OIT3: variants seen among roughly 807,000 people sequenced by gnomAD.
OIT3 encodes oncoprotein-induced transcript 3 protein.
Under a neutral mutation model 52.2 loss-of-function variants are expected in OIT3, and 41 were observed. That is an observed-to-expected ratio of 0.79 (90% CI 0.61 to 1.02). The LOEUF (loss-of-function observed/expected upper bound fraction) is 1.02, where lower values mean the gene tolerates loss of function less well. OIT3 is among the 50% of genes least tolerant of loss of function. The pLI, the probability that OIT3 is intolerant of heterozygous loss-of-function variation, is 0.00. For synonymous variants in OIT3, 244 were observed against 276.9 expected (o/e 0.88, Z 1.18); for missense variants, 634 against 715.5 (o/e 0.89, Z 1.30).
At position 72,899,052 on chromosome 10, in the gene OIT3, C is replaced by T; in HGVS notation, c.436+14C>T. 1 of 1,578,806 alleles carries T rather than the reference C, an allele frequency of 6.3e-7. No homozygotes were observed. The highest frequency in any genetic ancestry group is 8.6e-7 in the Non-Finnish European group (1 of 1,159,138). On this transcript the variant is annotated intron_variant, in intron 2 of 8. Coordinates refer to ENST00000334011, the MANE Select transcript of OIT3 (RefSeq NM_152635.3). ...TCTACTGTGGTCGTGAGTACCTTCC[C>T]TGTGCTCTTTTTCTCCACCAACAAG...
At chr10:72,918,385 C>T in intron 6 of OIT3, 1 of 772,094 alleles carries the variant, frequency 1.3e-6, no homozygotes, top group Non-Finnish European at 2.3e-6. Context: ...TTTGCACCAG[C>T]CCTTAAACTG....
chr10:72,899,732 GATA>G, intron 2 of OIT3, among the ~76,000 whole-genome samples: 1 of 150,604 alleles, frequency 6.6e-6, no homozygotes, highest in Admixed American at 6.6e-5. Flanking sequence ...TAGATAGATA[GATA>G]GATAGATAGA....
chr10:72,909,918 T>A (rs903035325), intron 4 of OIT3, among the ~76,000 whole-genome samples: 7 of 152,178 alleles, frequency 4.6e-5, no homozygotes, highest in Non-Finnish European at 7.3e-5. Context: ...AGGGCTGGGA[T>A]TATAGGTGTG....
intron 5 of OIT3, 130 bp downstream of exon 5, chr10:72,911,969 G>T: frequency 1.4e-6 from 1 of 696,036 alleles, no homozygotes; most frequent in Non-Finnish European, 2.3e-6. Context: ...CGAGCAGTGT[G>T]TATTGCTGAA....
rs375064672 is a variant in OIT3, at chr10:72,895,279, G to A, written c.61+1420G>A. Reference sequence around the variant, plus strand: ...GGGTCGCTCAGAAAGTTGTCCTCCCGAAAATCTCCACTCCCCTTTCTTCCC... The same window carrying A: ...GGGTCGCTCAGAAAGTTGTCCTCCCAAAAATCTCCACTCCCCTTTCTTCCC... On this transcript the variant is annotated intron_variant, in intron 1 of 8. Coordinates refer to ENST00000334011, the MANE Select transcript of OIT3 (RefSeq NM_152635.3). 5.9e-5 allele frequency among the ~76,000 whole-genome samples: 9 copies of A among 152,184 alleles called. No homozygotes were observed. In the East Asian group the frequency reaches 1.2e-3, roughly 20 times the overall value.
At chr10:72,923,417 G>A (rs969969085) in intron 6 of OIT3, among the ~76,000 whole-genome samples, 2 of 151,956 alleles carry the variant, frequency 1.3e-5, no homozygotes, top group African/African-American at 4.8e-5. Context: ...CAGTTGGGAG[G>A]TCTCACCCAG....
chr10:72,922,883 A>C (rs1846133530), intron 6 of OIT3, among the ~76,000 whole-genome samples: 1 of 151,544 alleles, frequency 6.6e-6, no homozygotes, highest in Admixed American at 6.6e-5. Context: ...TTTTTCTCCC[A>C]CTTTTTTTTG....
chr10:72,898,092 G>A (rs1845892564), intron 1 of OIT3, among the ~76,000 whole-genome samples: 2 of 151,162 alleles, frequency 1.3e-5, no homozygotes, highest in Non-Finnish European at 1.5e-5. Flanking sequence ...AAACCAGCCT[G>A]GGCAAGATGC....
chr10:72,913,826 G>T (rs1846051657), intron 6 of OIT3: 2 of 369,484 alleles, frequency 5.4e-6, no homozygotes, highest in African/African-American at 4.2e-5. Flanking sequence ...CATTTGTGGT[G>T]CAGTGAATGA....
intron 8 of OIT3, 107 bp downstream of exon 8, chr10:72,930,744 A>G (rs1356689741): frequency 2.6e-5 from 18 of 702,338 alleles, no homozygotes; most frequent in South Asian, 5.4e-5. Context: ...TGGGATCTGC[A>G]TGGGCTCAAG....
Position 72,932,399 on chromosome 10 carries a change from G to A in OIT3, c.1513G>A (p.Glu505Lys), listed in dbSNP as rs767151676. The change falls in exon 9 of 9, where the codon GAG becomes AAG. Residue 505 changes from glutamate (E) to lysine (K), a missense_variant. Coordinates refer to ENST00000334011, the MANE Select transcript of OIT3 (RefSeq NM_152635.3). Reference protein sequence around the residue: ...CRVLVCGVLDERSRCAQGCHR... With the variant: ...CRVLVCGVLDKRSRCAQGCHR... ...GGTTCTTGTCTGTGGAGTGTTGGAC[G>A]AGCGTTCCCGCTGTGCCCAGGGTTG... 8.1e-6 allele frequency: 13 copies of A among 1,614,062 alleles called. No homozygotes were observed. Among genetic ancestry groups the A allele is most frequent in the East Asian group, 4.5e-5 (2 of 44,896 alleles).
In OIT3 at chr10:72,898,120, C is replaced by CAAA. The variant is rs59034984; in HGVS notation, c.62-529_62-527dup. ...CAAGATGCCAAAACCCTATCTCTAC[C>CAAA]AAAAAAAAAAAAAAAAATTAGCCAG... On this transcript the variant is annotated intron_variant, in intron 1 of 8. Transcript: ENST00000334011. Among the ~76,000 whole-genome samples the CAAA allele has an allele frequency of 4.0e-4, 53 of 132,594 alleles. No homozygotes were observed. In the East Asian group the frequency reaches 5.2e-3, roughly 13 times the overall value. 87.0% of individuals were successfully genotyped at this position (132,594 alleles called of 152,430 possible).
intron 6 of OIT3, among the ~76,000 whole-genome samples, chr10:72,914,428 A>G (rs1846056617): frequency 6.6e-6 from 1 of 152,204 alleles, no homozygotes; most frequent in South Asian, 2.1e-4. Context: ...TGGTTAAATG[A>G]ATATTTATTT....
At chr10:72,895,957 G>A (rs911581081) in intron 1 of OIT3, among the ~76,000 whole-genome samples, 4 of 152,172 alleles carry the variant, frequency 2.6e-5, no homozygotes, top group Admixed American at 6.5e-5. Context: ...TATTAGATTG[G>A]ATTGCTGCCT....
chr10:72,918,316 C>CTT (rs1271003773), intron 6 of OIT3: 5 of 771,980 alleles, frequency 6.5e-6, no homozygotes, highest in Admixed American at 5.1e-5. Flanking sequence ...GCCAGTGTGA[C>CTT]TTTAATTGGA....
intron 3 of OIT3, among the ~76,000 whole-genome samples, chr10:72,901,699 G>A (rs755247545): frequency 6.6e-5 from 10 of 151,968 alleles, no homozygotes; most frequent in Non-Finnish European, 1.5e-4. Flanking sequence ...TTGCAGCTTC[G>A]ACATCCTGGG....
At chr10:72,903,337 C>T (rs1315753159) in intron 3 of OIT3, among the ~76,000 whole-genome samples, 13 of 152,142 alleles carry the variant, frequency 8.5e-5, no homozygotes, top group African/African-American at 2.2e-4. Flanking sequence ...GTGATTCTCC[C>T]GCCTCAGCCT....
chr10:72,898,832 A>C lies in OIT3; in HGVS notation c.230A>C (p.Glu77Ala), dbSNP rs1292575308. ...GDAMPTFCIP[E>A]NHCGTHAPVW... is the part of the protein sequence containing the mutation. ...GCCATGCCTACCTTCTGCATACCAG[A>C]AAACCACTGTGGAACCCACGCACCT... The change falls in exon 2 of 9, where the codon GAA (glutamate) becomes GCA (alanine). Residue 77 changes from glutamate to alanine, a missense_variant. Coordinates refer to ENST00000334011, the MANE Select transcript of OIT3 (RefSeq NM_152635.3). 2 of 1,614,040 alleles carry C rather than the reference A, an allele frequency of 1.2e-6. No individual in the cohort carries two copies. The highest frequency in any genetic ancestry group is 2.7e-5 in the African/African-American group (2 of 74,920).
At position 72,924,400 on chromosome 10, in the gene OIT3, T is replaced by C; in HGVS notation, c.1123T>C (p.Ser375Pro). 6.2e-7 allele frequency: 1 copy of C among 1,613,990 alleles called. No homozygotes were observed. Among genetic ancestry groups the C allele is most frequent in the Non-Finnish European group, 8.5e-7 (1 of 1,179,932 alleles). ...AGGATACGTTCCCAACCTTCGAAAC[T>C]CCCCACTGGAAATCATGAGCCGAAA... The part of the protein sequence containing the change: ...SEGYVPNLRN[S>P]PLEIMSRNHG... Residue 375 changes from serine (S) to proline (P), a missense_variant, in exon 7 of 9, where the codon TCC becomes CCC. Physicochemically the swap from Ser to Pro is moderately conservative, Grantham distance 74. Transcript: ENST00000334011.
Sources: allele counts gnomAD v4.1 joint callset (sites outside exome capture counted in the v4.1 genomes callset), GRCh38; gene constraint gnomAD v4.1.1; transcripts MANE v1.5; gene names NCBI Gene and HGNC (gene_info 2026-07-23, HGNC 2026-07-21).